The following TRHDE variants were observed in gnomAD, a reference collection of about 807,000 sequenced individuals.
TRHDE encodes thyrotropin-releasing hormone-degrading ectoenzyme.
A neutral mutation model predicts 125.7 loss-of-function variants in TRHDE; 72 were observed. That is an observed-to-expected ratio of 0.57 (90% CI 0.47 to 0.70). The LOEUF (loss-of-function observed/expected upper bound fraction) is 0.70, where lower values mean the gene tolerates loss of function less well. Among genes scored for constraint, TRHDE ranks in the 30% least tolerant of loss-of-function variants. The probability of loss-of-function intolerance (pLI) is 0.00; values close to 1 mark genes in which losing one functional copy is unlikely to be tolerated. For missense variants in TRHDE, 1,110 were observed against 1,327.1 expected, an observed-to-expected ratio of 0.84 and a Z score of 2.54; for synonymous variants, 509 against 509.1, an observed-to-expected ratio of 1.00 and a Z score of 0.00.
intron 7 of TRHDE, among the ~76,000 whole-genome samples, chr12:72,555,586 A>G: frequency 6.6e-6 from 1 of 152,246 alleles, no homozygotes; most frequent in South Asian, 2.1e-4. Context: ...ATTTTTACTT[A>G]ATCTTAAAAT....
At position 72,181,844 on chromosome 12, in the gene TRHDE, G is replaced by A. The variant is rs551215605; in HGVS notation, n.279+76092G>A. 3.3e-5 allele frequency among the ~76,000 whole-genome samples: 5 copies of A among 152,114 alleles called. No homozygotes were observed. In the South Asian group the frequency reaches 8.3e-4, roughly 25 times the overall value. ...AAGTTGATCAATTTTGAACTTTTATGTGCTGTCCATGGCTGTAATATACTC... is the reference window on the plus strand; with the variant it reads ...AAGTTGATCAATTTTGAACTTTTATATGCTGTCCATGGCTGTAATATACTC... On this transcript the variant is annotated intron_variant and non_coding_transcript_variant, in intron 2 of 4. Transcript: ENST00000548156.
rs199719208 is a variant in TRHDE, at chr12:72,621,192, T to C, written c.2554T>C (p.Ser852Pro). 2 of 1,608,624 alleles carry C rather than the reference T, an allele frequency of 1.2e-6. No homozygotes were observed. The highest frequency in any genetic ancestry group is 1.7e-6 in the Non-Finnish European group (2 of 1,175,470). Residue 852 changes from serine to proline, a missense_variant, in exon 14 of 19, where the codon TCC (serine) becomes CCC (proline). Ser to Pro is a moderately conservative substitution (Grantham distance 74). This residue lies in a region of TRHDE where 527 missense variants were observed against 651.8 expected (regional missense o/e 0.81). Transcript: ENST00000261180. Reference protein sequence around the residue: ...NNFNGSLVQASYQHEELRREV... With the variant: ...NNFNGSLVQAPYQHEELRREV... Reference sequence around the variant, plus strand: ...TTTTAATGGATCTCTTGTTCAAGCATCCTACCAACATGAGTACTGTTTTAT... The same window carrying C: ...TTTTAATGGATCTCTTGTTCAAGCACCCTACCAACATGAGTACTGTTTTAT...
intron 12 of TRHDE, among the ~76,000 whole-genome samples, chr12:72,611,569 G>A (rs1415024831): frequency 6.6e-6 from 1 of 152,086 alleles, no homozygotes; most frequent in African/African-American, 2.4e-5. Flanking sequence ...TTCTAACCAA[G>A]CTCCTTCATT....
rs543451055 is a variant in TRHDE at position 72,363,091 on chromosome 12, G to A, written c.1189-14904G>A. On this transcript the variant is annotated intron_variant, in intron 2 of 18. Coordinates refer to ENST00000261180, the MANE Select transcript of TRHDE (RefSeq NM_013381.3). Reference sequence around the variant, plus strand: ...ATGAACTTTAAAGTAGGTTTTTCCAGTTCTGTGAAGAAAGTCATTGGTAGC... The same window carrying A: ...ATGAACTTTAAAGTAGGTTTTTCCAATTCTGTGAAGAAAGTCATTGGTAGC... Among the ~76,000 whole-genome samples the A allele has an allele frequency of 1.3e-3, 196 of 151,976 alleles. 2 individuals are homozygous for A. The highest frequency in any genetic ancestry group is 0.012 in the South Asian group (59 of 4,816).
At chr12:72,619,482 A>G (rs904562471) in intron 13 of TRHDE, among the ~76,000 whole-genome samples, 2 of 152,198 alleles carry the variant, frequency 1.3e-5, no homozygotes, top group Non-Finnish European at 2.9e-5. Flanking sequence ...GGATAAGATC[A>G]ACATTGAGGC....
In TRHDE at chr12:72,230,631, A is replaced by G. The variant is rs141378577; in HGVS notation, n.279+124879A>G. On this transcript the variant is annotated intron_variant and non_coding_transcript_variant, in intron 2 of 4. Transcript: ENST00000548156. ...TGATGGCCGAGTAAACTGATATTTT[A>G]ACAAATTCCAGAGCTCCCCACTCAC... Among the ~76,000 whole-genome samples, 13 of 152,158 alleles carry G rather than the reference A, an allele frequency of 8.5e-5. No homozygotes were observed. The East Asian group carries it at 2.5e-3, about 29-fold the overall frequency.
intron 2 of TRHDE, among the ~76,000 whole-genome samples, chr12:72,139,778 C>T (rs529778249): frequency 2.6e-5 from 4 of 152,156 alleles, no homozygotes; most frequent in East Asian, 3.9e-4. Context: ...CCCAACCAAC[C>T]GAATGGACCC....
intron 6 of TRHDE, among the ~76,000 whole-genome samples, chr12:72,538,466 A>T (rs1868979297): frequency 6.6e-6 from 1 of 152,020 alleles, no homozygotes. Context: ...CAAGTCATAA[A>T]ACAGAATAAA....
At chr12:72,482,133 C>T (rs1461792194) in intron 5 of TRHDE, among the ~76,000 whole-genome samples, 1 of 151,842 alleles carries the variant, frequency 6.6e-6, no homozygotes, top group Non-Finnish European at 1.5e-5. Flanking sequence ...GCCACTTGTG[C>T]TAATTTCTAT....
At chr12:72,361,348 T>G (rs968241041) in intron 2 of TRHDE, among the ~76,000 whole-genome samples, 3 of 151,904 alleles carry the variant, frequency 2.0e-5, no homozygotes, top group Admixed American at 6.6e-5. Context: ...AATAAAAGAT[T>G]GGATTTTATG....
At chr12:72,616,220 C>A (rs943667127) in intron 12 of TRHDE, among the ~76,000 whole-genome samples, 1 of 151,972 alleles carries the variant, frequency 6.6e-6, no homozygotes, top group Non-Finnish European at 1.5e-5. Flanking sequence ...CACACAATGC[C>A]AGAAGTCTTA....
intron 5 of TRHDE, among the ~76,000 whole-genome samples, chr12:72,491,091 T>C (rs1877659517): frequency 6.6e-6 from 1 of 151,816 alleles, no homozygotes; most frequent in African/African-American, 2.4e-5. Context: ...CCATGTTATG[T>C]TGTATACCTT....
intron 5 of TRHDE, among the ~76,000 whole-genome samples, chr12:72,499,231 A>G (rs559642162): frequency 1.3e-5 from 2 of 152,168 alleles, no homozygotes; most frequent in Non-Finnish European, 2.9e-5. Flanking sequence ...TGCTTTAGCC[A>G]CTGTTAAAAC....
At chr12:72,283,953 C>G (rs1442452578) in intron 1 of TRHDE, among the ~76,000 whole-genome samples, 1 of 135,058 alleles carries the variant, frequency 7.4e-6, no homozygotes, top group Non-Finnish European at 1.6e-5. Flanking sequence ...ACTGCAAAGG[C>G]CTTAAATATG....
chr12:72,397,835 T>A (rs185703863), intron 3 of TRHDE, among the ~76,000 whole-genome samples: 49 of 151,818 alleles, frequency 3.2e-4, no homozygotes, highest in African/African-American at 9.7e-4. Context: ...TTAATTTATT[T>A]ATTTATTATT....
At chr12:72,339,022 A>C (rs1869960124) in intron 2 of TRHDE, among the ~76,000 whole-genome samples, 1 of 152,172 alleles carries the variant, frequency 6.6e-6, no homozygotes, top group African/African-American at 2.4e-5. Context: ...AAAATTCTAG[A>C]AATAACCTTT....
intron 2 of TRHDE, among the ~76,000 whole-genome samples, chr12:72,374,189 A>T (rs1341509943): frequency 2.6e-5 from 4 of 152,022 alleles, no homozygotes; most frequent in Non-Finnish European, 4.4e-5. Flanking sequence ...TGTGAGAGAA[A>T]GAGGGGAAAC....
rs368741586 is a variant in TRHDE, at chr12:72,331,811, G to T, written c.1188+44857G>T. On this transcript the variant is annotated intron_variant, in intron 2 of 18. Coordinates refer to ENST00000261180, the MANE Select transcript of TRHDE (RefSeq NM_013381.3). ...ACATATGGATCAGTTTGAATGACTA[G>T]AATGAGAAGCTGGGTTTAGAAATGA... is the stretch of plus-strand genomic sequence containing the variant. Among the ~76,000 whole-genome samples, 23 of 152,314 alleles carry T rather than the reference G, an allele frequency of 1.5e-4. No individual in the cohort carries two copies. In the East Asian group the frequency reaches 3.7e-3, roughly 24 times the overall value.
At chr12:72,376,943 G>A (rs916849473) in intron 2 of TRHDE, among the ~76,000 whole-genome samples, 11 of 151,706 alleles carry the variant, frequency 7.3e-5, no homozygotes, top group African/African-American at 2.7e-4. Flanking sequence ...GAAGTAATAT[G>A]TTTTAGAACT....
Sources: gnomAD v4.1 joint callset for allele counts (sites outside exome capture counted in the v4.1 genomes callset) on GRCh38, gnomAD v4.1.1 for gene constraint, gnomAD v4.1.1 regional missense constraint, MANE v1.5 for transcripts, NCBI Gene and HGNC (gene_info 2026-07-23, HGNC 2026-07-21) for gene names.